Variants in VAV3 observed in about 807,000 individuals in gnomAD.
The protein encoded by VAV3 is vav guanine nucleotide exchange factor 3, also known as guanine nucleotide exchange factor VAV3.
A neutral mutation model predicts 131.2 loss-of-function variants in VAV3; 94 were observed. The observed-to-expected ratio is 0.72, with a 90% CI of 0.61 to 0.85. VAV3 has a LOEUF of 0.85. Ranked by LOEUF, VAV3 falls within the 40% of genes least tolerant of loss-of-function variation. The pLI is 0.00. For synonymous variants in VAV3, 349 were observed against 342.0 expected, an observed-to-expected ratio of 1.02 and a Z score of -0.22; for missense variants, 939 against 1,002.7, an observed-to-expected ratio of 0.94 and a Z score of 0.86.
chr1:107,945,778 C>T (rs888950045), intron 1 of VAV3, among the ~76,000 whole-genome samples: 6 of 147,124 alleles, frequency 4.1e-5, no homozygotes, highest in Non-Finnish European at 5.9e-5. Flanking sequence ...ATCGAGATCG[C>T]GCCATTACAC....
In VAV3 at chr1:107,775,577, C is replaced by CAAAA. The variant is rs34775096; in HGVS notation, c.446+1650_446+1653dup. 2.4e-3 allele frequency among the ~76,000 whole-genome samples: 134 copies of CAAAA among 56,486 alleles called. 7 individuals are homozygous for CAAAA. Among genetic ancestry groups the CAAAA allele is most frequent in the African/African-American group, 3.7e-3 (50 of 13,354 alleles). 37.1% of individuals were successfully genotyped at this position (56,486 alleles called of 152,430 possible). ...TGGGTGCCAGAGCAAGACTCAGTCA[C>CAAAA]AAAAAAAAAAAAAAAAAAAAAAAAA... On this transcript the variant is annotated intron_variant, in intron 4 of 26. Coordinates refer to ENST00000370056, the MANE Select transcript of VAV3 (RefSeq NM_006113.5).
chr1:107,670,999 T>C (rs951751597), intron 19 of VAV3, among the ~76,000 whole-genome samples: 14 of 152,218 alleles, frequency 9.2e-5, no homozygotes, highest in African/African-American at 3.4e-4. Context: ...AATATTTAAA[T>C]CTGGGATCCC....
intron 25 of VAV3, among the ~76,000 whole-genome samples, chr1:107,593,596 T>C (rs1279982570): frequency 6.6e-6 from 1 of 152,116 alleles, no homozygotes; most frequent in African/African-American, 2.4e-5. Context: ...TACCTAAAGC[T>C]ATGAACCAAA....
intron 2 of VAV3, among the ~76,000 whole-genome samples, chr1:107,869,130 A>G (rs1362322181): frequency 6.6e-6 from 1 of 152,134 alleles, no homozygotes; most frequent in Non-Finnish European, 1.5e-5. Context: ...TGAGTGACTA[A>G]CCCCATTCCT....
chr1:107,572,128 C>T lies in VAV3; in HGVS notation c.*1203G>A, dbSNP rs1649304432. On this transcript the variant is annotated 3_prime_UTR_variant, in exon 27 of 27. Transcript: ENST00000370056. ...ACCCCAGGAAGAATGTATTTAGGCT[C>T]CTCACAAAAAAGAGTGATGGCTGGG... 1 of 152,144 alleles carries T rather than the reference C, an allele frequency of 6.6e-6. No homozygotes were observed. Among genetic ancestry groups the T allele is most frequent in the Non-Finnish European group, 1.5e-5 (1 of 68,046 alleles). 9.4% of individuals were successfully genotyped at this position (152,144 alleles called of 1,614,324 possible).
In VAV3 at chr1:107,606,958, C is replaced by CTTTT. The variant is rs11392912; in HGVS notation, c.2015+2969_2015+2972dup. ...TAGGTCCACTGGGTAGGAGTCTGAT[C>CTTTT]TTTTTTTTTTTTTTAAGATGAAATC... On this transcript the variant is annotated intron_variant, in intron 22 of 26. Transcript: ENST00000370056. Among the ~76,000 whole-genome samples the CTTTT allele has an allele frequency of 2.8e-5, 4 of 144,506 alleles. No individual in the cohort carries two copies. The East Asian group carries it at 8.0e-4, about 29-fold the overall frequency. The allele number at this position is 144,506 out of a possible 152,430, so 94.8% of individuals were successfully genotyped here.
rs181215622 is a variant in VAV3 at position 107,601,034 on chromosome 1, G to A, written c.2220+1363C>T. ...AAGCTGGTACGTCTTGCAGAGATGT[G>A]GAGAGCCCCTGTGCGTGCTTTTATC... On this transcript the variant is annotated intron_variant, in intron 24 of 26. Coordinates refer to ENST00000370056, the MANE Select transcript of VAV3 (RefSeq NM_006113.5). Among the ~76,000 whole-genome samples the A allele has an allele frequency of 3.3e-5, 5 of 152,250 alleles. No homozygotes were observed. The East Asian group carries it at 9.7e-4, about 29-fold the overall frequency.
At chr1:107,920,693 G>A (rs937718747) in intron 1 of VAV3, among the ~76,000 whole-genome samples, 11 of 152,140 alleles carry the variant, frequency 7.2e-5, no homozygotes, top group African/African-American at 2.7e-4. Context: ...ATTAAAGTGA[G>A]CTCAAAGAAA....
chr1:107,637,283 A>C (rs974091612), intron 20 of VAV3, among the ~76,000 whole-genome samples: 96 of 152,326 alleles, frequency 6.3e-4, no homozygotes, highest in African/African-American at 2.3e-3. Context: ...GAGGAGAAGA[A>C]GCAAGTAACC....
chr1:107,596,322 T>C lies in VAV3; in HGVS notation c.2240A>G (p.Lys747Arg). The change falls in exon 25 of 27, where the codon AAG (lysine) becomes AGG (arginine). Residue 747 changes from lysine (K) to arginine (R), a missense_variant. Lys to Arg is a conservative substitution (Grantham distance 26, BLOSUM62 2). Coordinates refer to ENST00000370056, the MANE Select transcript of VAV3 (RefSeq NM_006113.5). ...GAACCCTTCCTTGAGAGAATGATGC[T>C]TGTAGTACTCCACAAGTTCCTTTGG... ...KSLMELVEYY[K>R]HHSLKEGFRT... The C allele has an allele frequency of 1.9e-6, 3 of 1,612,624 alleles. No homozygotes were observed. The highest frequency in any genetic ancestry group is 2.5e-6 in the Non-Finnish European group (3 of 1,179,262).
chr1:107,759,622 T>A (rs1397212150), intron 10 of VAV3, among the ~76,000 whole-genome samples: 1 of 152,138 alleles, frequency 6.6e-6, no homozygotes, highest in Admixed American at 6.5e-5. Context: ...TAAAAAGTCA[T>A]CATGGAACTA....
At chr1:107,652,248 C>T (rs1350754276) in intron 19 of VAV3, among the ~76,000 whole-genome samples, 2 of 152,130 alleles carry the variant, frequency 1.3e-5, no homozygotes, top group Non-Finnish European at 2.9e-5. Flanking sequence ...CCACCAGTGC[C>T]ATGACAGTTT....
In VAV3 at chr1:107,582,978, G is replaced by T. The variant is rs569926661; in HGVS notation, c.2351-8780C>A. Among the ~76,000 whole-genome samples the T allele has an allele frequency of 1.2e-4, 19 of 152,204 alleles. No homozygotes were observed. In the South Asian group the frequency reaches 3.7e-3, roughly 30 times the overall value. On this transcript the variant is annotated intron_variant, in intron 25 of 26. Transcript: ENST00000370056. Reference sequence around the variant, plus strand: ...GTATTTCTAGTTCTAGATCCCTGAGGAATTGCCACACTGACTTCCACAATG... The same window carrying T: ...GTATTTCTAGTTCTAGATCCCTGAGTAATTGCCACACTGACTTCCACAATG...
At chr1:107,615,102 T>C (rs1206503049) in intron 21 of VAV3, among the ~76,000 whole-genome samples, 3 of 151,972 alleles carry the variant, frequency 2.0e-5, no homozygotes, top group Non-Finnish European at 4.4e-5. Context: ...TAATGTAATA[T>C]AAGACAAAAA....
chr1:107,651,325 GATACTC>G (rs1438258374), intron 19 of VAV3, among the ~76,000 whole-genome samples: 2 of 152,034 alleles, frequency 1.3e-5, no homozygotes, highest in Non-Finnish European at 1.5e-5. Flanking sequence ...CACTCCTTTA[GATACTC>G]AATCTTCTTG....
At chr1:107,669,690 T>C (rs1657646589) in intron 19 of VAV3, among the ~76,000 whole-genome samples, 1 of 151,332 alleles carries the variant, frequency 6.6e-6, no homozygotes, top group Non-Finnish European at 1.5e-5. Flanking sequence ...TAGTTTTTTC[T>C]TTTTTTTTAG....
chr1:107,943,558 A>T (rs1181562639), intron 1 of VAV3, among the ~76,000 whole-genome samples: 4 of 152,304 alleles, frequency 2.6e-5, no homozygotes, highest in African/African-American at 9.6e-5. Flanking sequence ...TCTGGCCAAC[A>T]TGGTGAAACC....
At chr1:107,877,898 A>G (rs1044414839) in intron 1 of VAV3, among the ~76,000 whole-genome samples, 14 of 152,284 alleles carry the variant, frequency 9.2e-5, no homozygotes, top group Admixed American at 2.0e-4. Flanking sequence ...ACTTCACTCA[A>G]TGCTCACAAG....
At chr1:107,692,828 A>C (rs931576038) in intron 17 of VAV3, among the ~76,000 whole-genome samples, 1 of 152,206 alleles carries the variant, frequency 6.6e-6, no homozygotes, top group African/African-American at 2.4e-5. Context: ...TGAGGCTTGC[A>C]TTCTCACTAA....
Sources: gnomAD v4.1 joint callset for allele counts (sites outside exome capture counted in the v4.1 genomes callset) on GRCh38, gnomAD v4.1.1 for gene constraint, MANE v1.5 for transcripts, NCBI Gene and HGNC (gene_info 2026-07-23, HGNC 2026-07-21) for gene names.